The following RYR2 variants were observed in gnomAD, a reference collection of about 807,000 sequenced individuals.
The protein encoded by RYR2 is cardiac muscle ryanodine receptor-calcium release channel.
Under a neutral mutation model 601.1 loss-of-function variants are expected in RYR2, and 227 were observed. The ratio of observed to expected loss-of-function variants is 0.38; its 90% CI spans 0.34 to 0.42. The LOEUF (loss-of-function observed/expected upper bound fraction) is 0.42, where lower values mean the gene tolerates loss of function less well. RYR2 is among the 10% of genes least tolerant of loss of function. The probability of loss-of-function intolerance (pLI) is 1.00; values close to 1 mark genes in which losing one functional copy is unlikely to be tolerated. For synonymous variants in RYR2, 2,223 were observed against 2,175.1 expected (o/e 1.02, Z -0.61); for missense variants, 4,646 against 6,156.5 (o/e 0.75, Z 8.21).
At chr1:237,162,903 C>T (rs953402583) in intron 1 of RYR2, among the ~76,000 whole-genome samples, 3 of 152,104 alleles carry the variant, frequency 2.0e-5, no homozygotes, top group Non-Finnish European at 4.4e-5. Context: ...AAAAGGGTGG[C>T]TACTAAGCAA....
chr1:237,503,258 T>C (rs776180416), intron 21 of RYR2, 31 bp from the exon 22 acceptor site: 3 of 1,551,828 alleles, frequency 1.9e-6, no homozygotes, highest in Non-Finnish European at 2.6e-6. Context: ...ACACCAGAGA[T>C]AAAATTGACT....
At chr1:237,249,813 A>G (rs1313444055) in intron 1 of RYR2, among the ~76,000 whole-genome samples, 2 of 152,186 alleles carry the variant, frequency 1.3e-5, no homozygotes, top group African/African-American at 4.8e-5. Flanking sequence ...TTCAATCATC[A>G]AACACTCACT....
intron 77 of RYR2, among the ~76,000 whole-genome samples, chr1:237,730,877 C>A (rs1690620194): frequency 6.6e-6 from 1 of 152,120 alleles, no homozygotes. Context: ...CAGCACAGAA[C>A]AGCAGTCAGT....
intron 1 of RYR2, among the ~76,000 whole-genome samples, chr1:237,257,348 C>T (rs111409147): frequency 2.4e-4 from 37 of 152,202 alleles, no homozygotes; most frequent in African/African-American, 7.9e-4. Flanking sequence ...AGCCATTGAC[C>T]GTCGCTTCTG....
chr1:237,753,532 GA>G (rs1692702795), intron 80 of RYR2, among the ~76,000 whole-genome samples: 1 of 152,134 alleles, frequency 6.6e-6, no homozygotes, highest in African/African-American at 2.4e-5. Flanking sequence ...TTCGACCTTG[GA>G]AAAACCTCCT....
intron 36 of RYR2, among the ~76,000 whole-genome samples, chr1:237,612,775 T>C (rs1377013140): frequency 3.3e-5 from 5 of 152,222 alleles, no homozygotes; most frequent in African/African-American, 1.2e-4. Flanking sequence ...CATTTTGGCA[T>C]GCTATCATCG....
intron 89 of RYR2, among the ~76,000 whole-genome samples, chr1:237,781,860 T>C (rs544958837): frequency 9.9e-5 from 15 of 152,278 alleles, no homozygotes; most frequent in African/African-American, 2.6e-4. Context: ...AAAATGAAAA[T>C]AGTAGTACTT....
At chr1:237,588,582 C>A (rs79811444) in intron 29 of RYR2, among the ~76,000 whole-genome samples, 1 of 152,092 alleles carries the variant, frequency 6.6e-6, no homozygotes, top group African/African-American at 2.4e-5. Flanking sequence ...CCTGTAATCC[C>A]AGCACTTCGG....
rs545638913 is a variant in RYR2, at chr1:237,730,219, T to G, written c.10839-41T>G. The G allele has an allele frequency of 2.2e-5, 26 of 1,159,060 alleles. No individual in the cohort carries two copies. In the East Asian group the frequency reaches 4.7e-4, roughly 21 times the overall value. 71.8% of individuals were successfully genotyped at this position (1,159,060 alleles called of 1,614,324 possible). A position where few individuals can be genotyped will look rare whatever the true frequency, so the allele number is the denominator to read the frequency against. On this transcript the variant is annotated intron_variant, in intron 76 of 104. Transcript: ENST00000366574. The stretch of plus-strand genomic sequence containing the variant: ...ACTACTCAATACAATTTCAACTTAT[T>G]TTCTAAACACCCTTTTTCTGAAATT...
intron 92 of RYR2, among the ~76,000 whole-genome samples, chr1:237,790,104 T>A (rs561196063): frequency 6.6e-6 from 1 of 152,334 alleles, no homozygotes; most frequent in African/African-American, 2.4e-5. Flanking sequence ...TAAATTATAT[T>A]GACATCTCCC....
intron 5 of RYR2, 44 bp downstream of exon 5, chr1:237,364,416 A>G (rs747641794): frequency 1.5e-5 from 16 of 1,074,742 alleles, no homozygotes; most frequent in Middle Eastern, 2.1e-4. Flanking sequence ...TATAGCAGAT[A>G]TATTACTATA....
chr1:237,831,500 CTCTGTA>C lies in RYR2; in HGVS notation c.14757-7_14757-2del. 6.9e-7 allele frequency: 1 copy of C among 1,453,294 alleles called. No homozygotes were observed. The highest frequency in any genetic ancestry group is 9.6e-7 in the Non-Finnish European group (1 of 1,037,368). 90.0% of individuals were successfully genotyped at this position (1,453,294 alleles called of 1,614,324 possible). A position where few individuals can be genotyped will look rare whatever the true frequency, so the allele number is the denominator to read the frequency against. On this transcript the variant is annotated splice_polypyrimidine_tract_variant and splice_region_variant and intron_variant, in intron 103 of 104. Transcript: ENST00000366574. ...CATACCGTTCATTTCTGATCAGTTT[CTCTGTA>C]TCTGTAGGTTTTTTCTGATGTATCT...
chr1:237,240,677 A>AC lies in RYR2; in HGVS notation c.49-29820_49-29819insC, dbSNP rs71180010. On this transcript the variant is annotated intron_variant, in intron 1 of 104. Coordinates refer to ENST00000366574, the MANE Select transcript of RYR2 (RefSeq NM_001035.3). Reference sequence around the variant, plus strand: ...CCTCTATAAAAGCCAAAAAAAAAAAAAAAAAAAAAAAACAGTGGGTCAGAC... The same window carrying AC: ...CCTCTATAAAAGCCAAAAAAAAAAAACAAAAAAAAAAAACAGTGGGTCAGAC... Among the ~76,000 whole-genome samples the AC allele has an allele frequency of 1.6e-3, 239 of 148,970 alleles. 2 individuals are homozygous for AC. The highest frequency in any genetic ancestry group is 5.7e-3 in the African/African-American group (234 of 41,060).
At chr1:237,658,490 C>T (rs115918424) in intron 54 of RYR2, among the ~76,000 whole-genome samples, 2 of 152,138 alleles carry the variant, frequency 1.3e-5, no homozygotes, top group African/African-American at 2.4e-5. Context: ...CTACCGGGCT[C>T]GAGCAATCCT....
intron 1 of RYR2, among the ~76,000 whole-genome samples, chr1:237,242,921 A>AT (rs1381534579): frequency 6.6e-6 from 1 of 152,178 alleles, no homozygotes; most frequent in Non-Finnish European, 1.5e-5. Context: ...ATTGACTCAC[A>AT]TAAGTGAAAA....
chr1:237,194,006 A>T (rs1035494500), intron 1 of RYR2, among the ~76,000 whole-genome samples: 1 of 152,230 alleles, frequency 6.6e-6, no homozygotes, highest in African/African-American at 2.4e-5. Flanking sequence ...GAAGAAACAG[A>T]ATCCTTTTGA....
intron 8 of RYR2, among the ~76,000 whole-genome samples, chr1:237,377,761 A>G (rs1272921279): frequency 2.0e-5 from 3 of 152,162 alleles, no homozygotes; most frequent in Admixed American, 2.0e-4. Flanking sequence ...TATGGTCTTT[A>G]TTTTGCACCT....
intron 1 of RYR2, among the ~76,000 whole-genome samples, chr1:237,088,535 A>G (rs1572590793): frequency 1.3e-5 from 2 of 152,182 alleles, no homozygotes; most frequent in East Asian, 3.8e-4. Flanking sequence ...GACAAAACAA[A>G]ATAAAAAACA....
Position 237,108,011 on chromosome 1 carries a change from C to T in RYR2, c.48+65442C>T, listed in dbSNP as rs530678691. Reference sequence around the variant, plus strand: ...TGAGCTCACGGTTTCTCTCATGTCCCCTGTGGGAGTAATTAGAGCTAACCT... The same window carrying T: ...TGAGCTCACGGTTTCTCTCATGTCCTCTGTGGGAGTAATTAGAGCTAACCT... On this transcript the variant is annotated intron_variant, in intron 1 of 104. Transcript: ENST00000366574. 2.4e-4 allele frequency among the ~76,000 whole-genome samples: 37 copies of T among 152,280 alleles called. 1 individual carries two copies. The South Asian group carries it at 7.7e-3, about 32-fold the overall frequency.
Sources: gnomAD v4.1 joint callset for allele counts (sites outside exome capture counted in the v4.1 genomes callset) on GRCh38, gnomAD v4.1.1 for gene constraint, MANE v1.5 for transcripts, NCBI Gene and HGNC (gene_info 2026-07-23, HGNC 2026-07-21) for gene names.